The following MOCOS variants were observed in gnomAD, a reference collection of about 807,000 sequenced individuals.
The protein encoded by MOCOS is molybdenum cofactor sulfurase, also known as human molybdenum cofactor sulfurase.
Under a neutral mutation model 83.6 loss-of-function variants are expected in MOCOS, and 86 were observed. That is an observed-to-expected ratio of 1.03 (90% CI 0.86 to 1.23). The LOEUF is 1.23. Among genes scored for constraint, MOCOS ranks in the 50% most tolerant of loss-of-function variants. The pLI, the probability that MOCOS is intolerant of heterozygous loss-of-function variation, is 0.00. For missense variants in MOCOS, 1,120 were observed against 1,126.9 expected (o/e 0.99, Z 0.09); for synonymous variants, 445 against 434.7 (o/e 1.02, Z -0.29).
intron 12 of MOCOS, among the ~76,000 whole-genome samples, chr18:36,259,284 A>G (rs1002188076): frequency 6.6e-6 from 1 of 151,996 alleles, no homozygotes; most frequent in Non-Finnish European, 1.5e-5. Flanking sequence ...CTCTAAAAAA[A>G]GTAAAAATAA....
At chr18:36,221,574 T>A (rs1290395264) in intron 9 of MOCOS, among the ~76,000 whole-genome samples, 1 of 151,836 alleles carries the variant, frequency 6.6e-6, no homozygotes, top group Non-Finnish European at 1.5e-5. Context: ...CATTTCCATA[T>A]ATTCACGATT....
At chr18:36,204,395 C>T (rs2091426541) in intron 5 of MOCOS, among the ~76,000 whole-genome samples, 1 of 152,156 alleles carries the variant, frequency 6.6e-6, no homozygotes, top group Non-Finnish European at 1.5e-5. Flanking sequence ...ATGTATTCTT[C>T]ATTGCTTTGT....
chr18:36,239,737 C>T (rs1343095738), intron 9 of MOCOS, among the ~76,000 whole-genome samples: 1 of 148,842 alleles, frequency 6.7e-6, no homozygotes, highest in Non-Finnish European at 1.5e-5. Context: ...TGTTTTCCAA[C>T]TTGGTTCCAT....
intron 10 of MOCOS, among the ~76,000 whole-genome samples, 174 bp from the exon 11 acceptor site, chr18:36,250,985 G>A (rs1439251107): frequency 6.6e-6 from 1 of 152,184 alleles, no homozygotes; most frequent in African/African-American, 2.4e-5. Flanking sequence ...AGCCCCAGAT[G>A]GCAGGTCGTC....
chr18:36,224,197 G>T (rs1445272223), intron 9 of MOCOS, among the ~76,000 whole-genome samples: 1 of 152,060 alleles, frequency 6.6e-6, no homozygotes, highest in East Asian at 1.9e-4. Context: ...GGAGTATTTA[G>T]AATTTTTTGA....
intron 11 of MOCOS, among the ~76,000 whole-genome samples, chr18:36,253,438 C>T (rs1025825076): frequency 3.9e-5 from 6 of 152,008 alleles, no homozygotes; most frequent in East Asian, 1.9e-4. Flanking sequence ...GAGGCCGAGG[C>T]GGGCAGATCA....
At position 36,240,995 on chromosome 18, in the gene MOCOS, C is replaced by T. The variant is rs190872690; in HGVS notation, c.1961-7927C>T. ...CAATGCCTCGCCCTGCTTCGGCTCG[C>T]GCACGGTGCGTGCACCCACTGACCT... On this transcript the variant is annotated intron_variant, in intron 9 of 14. Coordinates refer to ENST00000261326, the MANE Select transcript of MOCOS (RefSeq NM_017947.4). Among the ~76,000 whole-genome samples, 832 of 151,400 alleles carry T rather than the reference C, an allele frequency of 5.5e-3. 11 individuals carry two copies. The highest frequency in any genetic ancestry group is 0.018 in the African/African-American group (724 of 41,318).
chr18:36,248,699 CT>C (rs2091611362), intron 9 of MOCOS, among the ~76,000 whole-genome samples: 1 of 152,258 alleles, frequency 6.6e-6, no homozygotes, highest in African/African-American at 2.4e-5. Context: ...GAAGAGAACT[CT>C]TCTTGCTCCA....
chr18:36,227,063 C>T (rs915783248), intron 9 of MOCOS, among the ~76,000 whole-genome samples: 6 of 151,746 alleles, frequency 4.0e-5, no homozygotes, highest in African/African-American at 1.5e-4. Context: ...CACATGCCAC[C>T]ATGCCTGGCT....
chr18:36,247,015 T>G (rs771836194), intron 9 of MOCOS, among the ~76,000 whole-genome samples: 12 of 149,702 alleles, frequency 8.0e-5, no homozygotes, highest in Non-Finnish European at 1.6e-4. Flanking sequence ...ATACTCTCCT[T>G]GGGCAGGACT....
At chr18:36,256,405 T>C (rs1463696232) in intron 11 of MOCOS, among the ~76,000 whole-genome samples, 1 of 152,198 alleles carries the variant, frequency 6.6e-6, no homozygotes, top group Non-Finnish European at 1.5e-5. Context: ...CCAAGTCTAA[T>C]TTGCTGGAAC....
At chr18:36,246,086 A>G (rs370291011) in intron 9 of MOCOS, among the ~76,000 whole-genome samples, 2 of 152,044 alleles carry the variant, frequency 1.3e-5, no homozygotes, top group Admixed American at 6.6e-5. Flanking sequence ...TGCCTCCTTA[A>G]GTAGCTTAAT....
chr18:36,199,273 A>G (rs2091402133), intron 3 of MOCOS, among the ~76,000 whole-genome samples: 1 of 152,186 alleles, frequency 6.6e-6, no homozygotes, highest in African/African-American at 2.4e-5. Flanking sequence ...ATTTCCAATC[A>G]CACAATTTCA....
In MOCOS at chr18:36,198,686, C is replaced by T; in HGVS notation, c.233-4C>T. The T allele has an allele frequency of 6.2e-7, 1 of 1,614,106 alleles. No homozygotes were observed. Among genetic ancestry groups the T allele is most frequent in the Non-Finnish European group, 8.5e-7 (1 of 1,179,986 alleles). On this transcript the variant is annotated splice_polypyrimidine_tract_variant and splice_region_variant and intron_variant, in intron 2 of 14. Coordinates refer to ENST00000261326, the MANE Select transcript of MOCOS (RefSeq NM_017947.4). ...TTGGTGGCCTTGTCTTTGTAACCTG[C>T]CAGGTAATCCTCACAGCCAGAACAT... is the stretch of plus-strand genomic sequence containing the variant.
intron 6 of MOCOS, 84 bp downstream of exon 6, chr18:36,205,360 C>T: frequency 7.0e-7 from 1 of 1,423,124 alleles, no homozygotes; most frequent in Non-Finnish European, 9.9e-7. Context: ...AAAGTCCATG[C>T]ACTGTTGAAG....
At chr18:36,206,713 C>T (rs2091436311) in intron 6 of MOCOS, among the ~76,000 whole-genome samples, 1 of 152,112 alleles carries the variant, frequency 6.6e-6, no homozygotes, top group South Asian at 2.1e-4. Flanking sequence ...TGTTTAGCTC[C>T]TAATTATAAG....
intron 9 of MOCOS, among the ~76,000 whole-genome samples, chr18:36,227,744 A>G (rs2091523260): frequency 6.6e-6 from 1 of 152,290 alleles, no homozygotes; most frequent in African/African-American, 2.4e-5. Flanking sequence ...GTTCTCTCCA[A>G]TCTAGGCAAT....
Position 36,215,978 on chromosome 18 carries a change from G to A in MOCOS, c.1797+1G>A, listed in dbSNP as rs1379972891. 3.7e-6 allele frequency: 6 copies of A among 1,610,738 alleles called. No homozygotes were observed. Among genetic ancestry groups the A allele is most frequent in the Non-Finnish European group, 5.1e-6 (6 of 1,178,978 alleles). ...AATCAAATCCTGTGCTGCATTTGAG[G>A]TAAGGAATTTCACAGCAGCACAGAA... On this transcript the variant is annotated splice_donor_variant, in intron 8 of 14. Coordinates refer to ENST00000261326, the MANE Select transcript of MOCOS (RefSeq NM_017947.4). LOFTEE classifies it high-confidence loss of function.
chr18:36,209,505 C>G (rs534205215), intron 6 of MOCOS, among the ~76,000 whole-genome samples: 1 of 152,206 alleles, frequency 6.6e-6, no homozygotes, highest in African/African-American at 2.4e-5. Flanking sequence ...CCCTTCCCCC[C>G]TGAGTCCCCA....
Sources: gnomAD v4.1 joint callset for allele counts (sites outside exome capture counted in the v4.1 genomes callset) on GRCh38, gnomAD v4.1.1 for gene constraint, MANE v1.5 for transcripts, NCBI Gene and HGNC (gene_info 2026-07-23, HGNC 2026-07-21) for gene names.